KIF3A: variants seen among roughly 807,000 people sequenced by gnomAD.
KIF3A encodes kinesin-like protein KIF3A.
In KIF3A, 27 loss-of-function variants were observed where a neutral mutation model predicts 92.6. That is an observed-to-expected ratio of 0.29 (90% CI 0.21 to 0.40). KIF3A has a LOEUF of 0.40. Ranked by LOEUF, KIF3A falls within the 10% of genes least tolerant of loss-of-function variation. KIF3A has a pLI of 1.00. For synonymous variants in KIF3A, 250 were observed against 275.4 expected, an observed-to-expected ratio of 0.91 and a Z score of 0.92; for missense variants, 581 against 872.6, an observed-to-expected ratio of 0.67 and a Z score of 4.21.
chr5:132,731,839 T>C lies in KIF3A; in HGVS notation c.280+2366A>G, dbSNP rs538536389. Among the ~76,000 whole-genome samples the C allele has an allele frequency of 3.6e-3, 553 of 151,882 alleles. 4 individuals are homozygous for C. Among genetic ancestry groups the C allele is most frequent in the African/African-American group, 0.012 (505 of 41,418 alleles). Reference sequence around the variant, plus strand: ...GATTCTCCTGCCCCAGCCTCCCGAGTAGCTGGGATTACAGGCACGTGCCAC... The same window carrying C: ...GATTCTCCTGCCCCAGCCTCCCGAGCAGCTGGGATTACAGGCACGTGCCAC... On this transcript the variant is annotated intron_variant, in intron 2 of 18. Coordinates refer to ENST00000403231, the MANE Select transcript of KIF3A (RefSeq NM_001300791.2).
At chr5:132,722,782 T>C (rs529930064) in intron 4 of KIF3A, among the ~76,000 whole-genome samples, 2 of 152,194 alleles carry the variant, frequency 1.3e-5, no homozygotes, top group Non-Finnish European at 2.9e-5. Flanking sequence ...TAAAAGACCA[T>C]GTCATTGGCA....
In KIF3A at chr5:132,716,460, TGAAA is replaced by T. The variant is rs763725150; in HGVS notation, c.757-22_757-19del. On this transcript the variant is annotated intron_variant, in intron 6 of 18. Transcript: ENST00000403231. The stretch of plus-strand genomic sequence containing the variant: ...TCTGAACCCTAGCAATAAACAGAGA[TGAAA>T]GTAAAGCTAAAATTTTTTTAAAAAT... 6.3e-7 allele frequency: 1 copy of T among 1,589,244 alleles called. No homozygotes were observed. Among genetic ancestry groups the T allele is most frequent in the Non-Finnish European group, 8.6e-7 (1 of 1,167,998 alleles).
Position 132,737,525 on chromosome 5 carries a change from G to C in KIF3A, c.-106C>G. 3.0e-6 allele frequency: 4 copies of C among 1,345,190 alleles called. No homozygotes were observed. Among genetic ancestry groups the C allele is most frequent in the Middle Eastern group, 3.7e-4 (2 of 5,412 alleles). 83.3% of individuals were successfully genotyped at this position (1,345,190 alleles called of 1,614,324 possible). On this transcript the variant is annotated 5_prime_UTR_variant, in exon 1 of 19. Transcript: ENST00000403231. ...GAGACTACCGAAACACCTCGTTGACGCTCTCGAGACTGCGGCTTCTCGGGC... is the reference window on the plus strand; with the variant it reads ...GAGACTACCGAAACACCTCGTTGACCCTCTCGAGACTGCGGCTTCTCGGGC...
intron 2 of KIF3A, among the ~76,000 whole-genome samples, chr5:132,727,436 T>C (rs1398778723): frequency 6.6e-6 from 1 of 152,116 alleles, no homozygotes; most frequent in Non-Finnish European, 1.5e-5. Context: ...GGGAGGACTT[T>C]CCAGAAGAGG....
At position 132,695,988 on chromosome 5, in the gene KIF3A, A is replaced by G. The variant is rs1442388622; in HGVS notation, c.*646T>C. 1 of 152,488 alleles carries G rather than the reference A, an allele frequency of 6.6e-6. No homozygotes were observed. The highest frequency in any genetic ancestry group is 2.4e-5 in the African/African-American group (1 of 41,462). The allele number at this position is 152,488 out of a possible 1,614,324, so 9.4% of individuals were successfully genotyped here. ...GATTTGAACTCAAACTGGCAAAAAAAAGTTAGGAAAGGTTCAGATGAAACA... is the reference window on the plus strand; with the variant it reads ...GATTTGAACTCAAACTGGCAAAAAAGAGTTAGGAAAGGTTCAGATGAAACA... On this transcript the variant is annotated 3_prime_UTR_variant, in exon 19 of 19. Coordinates refer to ENST00000403231, the MANE Select transcript of KIF3A (RefSeq NM_001300791.2).
At chr5:132,716,767 C>A (rs1753639788) in intron 6 of KIF3A, 78 bp downstream of exon 6, 1 of 1,451,070 alleles carries the variant, frequency 6.9e-7, no homozygotes, top group Non-Finnish European at 9.5e-7. Flanking sequence ...CATACCTTTT[C>A]ACTTTAATTT....
At chr5:132,719,116 C>T (rs2149909434) in intron 5 of KIF3A, among the ~76,000 whole-genome samples, 1 of 152,278 alleles carries the variant, frequency 6.6e-6, no homozygotes, top group East Asian at 1.9e-4. Context: ...GTTAACAATG[C>T]CCTTCAAATA....
chr5:132,708,999 C>T, intron 9 of KIF3A, 21 bp from the exon 10 acceptor site: 8 of 1,527,490 alleles, frequency 5.2e-6, no homozygotes, highest in Non-Finnish European at 7.1e-6. Flanking sequence ...AAGAAATGAG[C>T]CCAACAGGAA....
At position 132,713,213 on chromosome 5, in the gene KIF3A, A is replaced by C. The variant is rs376370816; in HGVS notation, c.1130-2156T>G. Among the ~76,000 whole-genome samples the C allele has an allele frequency of 2.8e-3, 433 of 152,276 alleles. 5 individuals are homozygous for C. Among genetic ancestry groups the C allele is most frequent in the African/African-American group, 0.01 (419 of 41,560 alleles). On this transcript the variant is annotated intron_variant, in intron 8 of 18. Coordinates refer to ENST00000403231, the MANE Select transcript of KIF3A (RefSeq NM_001300791.2). The stretch of plus-strand genomic sequence containing the variant: ...ACAACAAAACAAAGAAAGCATGACA[A>C]ATAAATGCAGTGTGTGATCCTGGAT...
intron 2 of KIF3A, among the ~76,000 whole-genome samples, chr5:132,731,813 C>T (rs1057272308): frequency 1.3e-5 from 2 of 151,816 alleles, no homozygotes; most frequent in African/African-American, 4.8e-5. Context: ...GAGGTTCAGG[C>T]GATTCTCCTG....
rs762420465 is a variant in KIF3A, at chr5:132,710,975, T to C, written c.1212A>G (p.Lys404=). 1.1e-5 allele frequency: 17 copies of C among 1,613,616 alleles called. 1 individual carries two copies. The highest frequency in any genetic ancestry group is 8.5e-7 in the Non-Finnish European group (1 of 1,179,620). The part of the protein sequence containing the change: ...EEGEVGEDGE[K]RKKRRGSSSS... ...AGAACTTACCCCTTCTTTTTTTCCT[T>C]TTCTCTCCATCTTCTCCAACCTCAC... The change falls in exon 9 of 19, where the codon AAA becomes AAG. Residue 404 remains lysine (K), a synonymous_variant. Coordinates refer to ENST00000403231, the MANE Select transcript of KIF3A (RefSeq NM_001300791.2).
chr5:132,720,869 A>G (rs927870983), intron 4 of KIF3A, among the ~76,000 whole-genome samples, 155 bp from the exon 5 acceptor site: 4 of 152,246 alleles, frequency 2.6e-5, no homozygotes, highest in Non-Finnish European at 5.9e-5. Flanking sequence ...TAGGAAGAAC[A>G]TACAAATGAA....
At chr5:132,706,535 C>A in intron 10 of KIF3A, 76 bp from the exon 11 acceptor site, 2 of 1,199,972 alleles carry the variant, frequency 1.7e-6, no homozygotes, top group South Asian at 1.5e-5. Context: ...AAAAGGAAAA[C>A]ATTATTTCTC....
At chr5:132,718,076 T>A (rs1215776661) in intron 5 of KIF3A, among the ~76,000 whole-genome samples, 1 of 152,168 alleles carries the variant, frequency 6.6e-6, no homozygotes, top group African/African-American at 2.4e-5. Context: ...TTTCTCCTTC[T>A]CTAAAGGTAA....
chr5:132,722,932 TC>T (rs1753874249), intron 4 of KIF3A: 1 of 152,234 alleles, frequency 6.6e-6, no homozygotes, highest in Non-Finnish European at 1.5e-5. Flanking sequence ...TGTTTACATA[TC>T]TAAATACTAG....
intron 8 of KIF3A, among the ~76,000 whole-genome samples, chr5:132,713,056 G>A (rs1019297089): frequency 4.6e-5 from 7 of 152,302 alleles, no homozygotes; most frequent in South Asian, 4.1e-4. Flanking sequence ...TACTCAGGAG[G>A]TTGAGGCAGG....
Position 132,703,575 on chromosome 5 carries a change from T to C in KIF3A, c.1354A>G (p.Lys452Glu). ...SPDKMIEMQA[K>E]IDEERKALET... Reference sequence around the variant, plus strand: ...AGTGCTTTTCTCTCCTCATCAATTTTTGCTTGCATTTCAATCATCTTGTCT... The same window carrying C: ...AGTGCTTTTCTCTCCTCATCAATTTCTGCTTGCATTTCAATCATCTTGTCT... The change falls in exon 12 of 19, where the codon AAA (lysine) becomes GAA (glutamate). Residue 452 changes from lysine (K) to glutamate (E), a missense_variant. Physicochemically the swap from Lys to Glu is moderately conservative, Grantham distance 56. Coordinates refer to ENST00000403231, the MANE Select transcript of KIF3A (RefSeq NM_001300791.2). 1.2e-6 allele frequency: 2 copies of C among 1,612,188 alleles called. No homozygotes were observed. The highest frequency in any genetic ancestry group is 1.7e-6 in the Non-Finnish European group (2 of 1,179,118).
intron 1 of KIF3A, among the ~76,000 whole-genome samples, chr5:132,735,639 T>C (rs551217645): frequency 6.6e-6 from 1 of 152,296 alleles, no homozygotes; most frequent in East Asian, 1.9e-4. Flanking sequence ...TAAATCACCA[T>C]CATCTTGGCC....
At chr5:132,720,272 A>G (rs1753781951) in intron 5 of KIF3A, among the ~76,000 whole-genome samples, 1 of 152,248 alleles carries the variant, frequency 6.6e-6, no homozygotes, top group African/African-American at 2.4e-5. Flanking sequence ...TGTGAGGACT[A>G]AGAGAGCATC....
Sources: gnomAD v4.1 joint callset for allele counts (sites outside exome capture counted in the v4.1 genomes callset) on GRCh38, gnomAD v4.1.1 for gene constraint, MANE v1.5 for transcripts, NCBI Gene and HGNC (gene_info 2026-07-23, HGNC 2026-07-21) for gene names.